The following HDAC4 variants were observed in gnomAD, a reference collection of about 807,000 sequenced individuals.
HDAC4 encodes the protein histone deacetylase 4, also known as histone deacetylase A.
In HDAC4, 16 loss-of-function variants were observed where a neutral mutation model predicts 135.1. The ratio of observed to expected loss-of-function variants is 0.12; its 90% CI spans 0.08 to 0.18. The LOEUF is 0.18. Ranked by LOEUF, HDAC4 falls within the 10% of genes least tolerant of loss-of-function variation. The pLI is 1.00. For synonymous variants in HDAC4, 685 were observed against 653.4 expected, an observed-to-expected ratio of 1.05 and a Z score of -0.74; for missense variants, 1,143 against 1,511.8, an observed-to-expected ratio of 0.76 and a Z score of 4.05.
At chr2:239,117,853 G>A (rs1381700347) in intron 12 of HDAC4, among the ~76,000 whole-genome samples, 2 of 152,188 alleles carry the variant, frequency 1.3e-5, no homozygotes, top group African/African-American at 4.8e-5. Context: ...GATGGATCTC[G>A]GCACCGCATC....
chr2:239,217,338 G>A (rs752755294), intron 3 of HDAC4, among the ~76,000 whole-genome samples: 4 of 152,050 alleles, frequency 2.6e-5, no homozygotes, highest in Non-Finnish European at 5.9e-5. Context: ...AAAATTCCTC[G>A]CATTTTAAAT....
intron 22 of HDAC4, among the ~76,000 whole-genome samples, chr2:239,070,499 C>G (rs78596178): frequency 1.3e-5 from 2 of 152,350 alleles, no homozygotes; most frequent in South Asian, 4.1e-4. Context: ...GTGTGCTCTC[C>G]GTGAGTAGGG....
intron 7 of HDAC4, among the ~76,000 whole-genome samples, chr2:239,153,609 T>G (rs1048008108): frequency 8.5e-5 from 13 of 152,246 alleles, no homozygotes; most frequent in South Asian, 6.2e-4. Flanking sequence ...AATGTGGTAG[T>G]GATGACTTTT....
chr2:239,163,624 C>T (rs529264097), intron 6 of HDAC4, among the ~76,000 whole-genome samples, 179 bp downstream of exon 6: 4 of 152,140 alleles, frequency 2.6e-5, no homozygotes, highest in East Asian at 1.9e-4. Flanking sequence ...GGCTGCCGCA[C>T]GAGTGTACCC....
chr2:239,196,010 G>A (rs1015479338), intron 3 of HDAC4, among the ~76,000 whole-genome samples: 1 of 152,204 alleles, frequency 6.6e-6, no homozygotes, highest in Non-Finnish European at 1.5e-5. Flanking sequence ...AAGAAAAAGA[G>A]GCACTATTCT....
At position 239,354,562 on chromosome 2, in the gene HDAC4, A is replaced by T. The variant is rs80085423; in HGVS notation, c.-219-1644T>A. Among the ~76,000 whole-genome samples, 279 of 76,578 alleles carry T rather than the reference A, an allele frequency of 3.6e-3. 2 individuals carry two copies. Among genetic ancestry groups the T allele is most frequent in the East Asian group, 0.022 (46 of 2,066 alleles). The allele number at this position is 76,578 out of a possible 152,430, so 50.2% of individuals were successfully genotyped here. On this transcript the variant is annotated intron_variant, in intron 1 of 26. Transcript: ENST00000543185. ...TTTTCTTGATTTAATTAGTCTAGAA[A>T]TTTTTTTTTTTTTTTTTTTTTTTTT...
chr2:239,319,524 G>A (rs572725454), intron 2 of HDAC4, among the ~76,000 whole-genome samples: 8 of 152,344 alleles, frequency 5.3e-5, no homozygotes, highest in African/African-American at 9.6e-5. Context: ...CGGTGTGGCC[G>A]TGCTGGAGGT....
chr2:239,221,277 A>C (rs1366474554), intron 3 of HDAC4, among the ~76,000 whole-genome samples: 1 of 152,174 alleles, frequency 6.6e-6, no homozygotes, highest in Non-Finnish European at 1.5e-5. Flanking sequence ...AGGTCTGTGC[A>C]CAGGAGCGGG....
intron 3 of HDAC4, among the ~76,000 whole-genome samples, chr2:239,192,515 A>T (rs2045056615): frequency 6.6e-6 from 1 of 152,212 alleles, no homozygotes; most frequent in East Asian, 1.9e-4. Flanking sequence ...CAAACTCGCA[A>T]ACTCGGAGAA....
Position 239,285,610 on chromosome 2 carries a change from G to A in HDAC4, c.23-48946C>T, listed in dbSNP as rs903132603. Among the ~76,000 whole-genome samples, 1 of 152,154 alleles carries A rather than the reference G, an allele frequency of 6.6e-6. No individual in the cohort carries two copies. The highest frequency in any genetic ancestry group is 2.1e-4 in the South Asian group (1 of 4,830). The stretch of plus-strand genomic sequence containing the variant: ...AAGTACTAGAAACTTCCTCTTCTGG[G>A]GACGTGGCAGACAAGTCATCTTACA... On this transcript the variant is annotated intron_variant, in intron 2 of 26. Transcript: ENST00000543185. This position sits in a 1 kb window ranked among gnomAD's most constrained non-coding sequence, Gnocchi z 4.5.
At chr2:239,261,984 A>G (rs2049400576) in intron 2 of HDAC4, among the ~76,000 whole-genome samples, 1 of 152,160 alleles carries the variant, frequency 6.6e-6, no homozygotes, top group Non-Finnish European at 1.5e-5. Context: ...CCCGGCCCCT[A>G]CAGGTTGGCC....
intron 1 of HDAC4, among the ~76,000 whole-genome samples, chr2:239,358,600 G>A (rs918543886): frequency 4.6e-5 from 7 of 152,194 alleles, no homozygotes; most frequent in Non-Finnish European, 1.0e-4. Context: ...GGCAGCGCGC[G>A]TAGGGACTCA....
chr2:239,321,830 G>A (rs1352912703), intron 2 of HDAC4, among the ~76,000 whole-genome samples: 1 of 152,134 alleles, frequency 6.6e-6, no homozygotes, highest in Non-Finnish European at 1.5e-5. Context: ...TCATTCTCAG[G>A]GCAGCATCTA....
At position 239,365,686 on chromosome 2, in the gene HDAC4, C is replaced by T. The variant is rs112922387; in HGVS notation, c.-219-12768G>A. 6.0e-3 allele frequency among the ~76,000 whole-genome samples: 920 copies of T among 152,262 alleles called. 5 individuals are homozygous for T. Among genetic ancestry groups the T allele is most frequent in the African/African-American group, 0.021 (886 of 41,548 alleles). On this transcript the variant is annotated intron_variant, in intron 1 of 26. Transcript: ENST00000543185. Reference sequence around the variant, plus strand: ...ACAAGCCAGGGTTGTCAGGGTCATGCGTGTGGCACCAGGGGACACACACAG... The same window carrying T: ...ACAAGCCAGGGTTGTCAGGGTCATGTGTGTGGCACCAGGGGACACACACAG...
chr2:239,133,322 C>T lies in HDAC4; in HGVS notation c.1294+923G>A, dbSNP rs548360820. 5.9e-5 allele frequency among the ~76,000 whole-genome samples: 9 copies of T among 152,342 alleles called. No individual in the cohort carries two copies. The East Asian group carries it at 1.7e-3, about 29-fold the overall frequency. ...AACACGCCAAGCCCCTGAGTTTTCA[C>T]CAAGTTCACTGCCAGAGTTTCACAG... On this transcript the variant is annotated intron_variant, in intron 11 of 26. Coordinates refer to ENST00000543185, the MANE Select transcript of HDAC4 (RefSeq NM_001378414.1).
At chr2:239,333,051 G>A (rs1052617826) in intron 2 of HDAC4, among the ~76,000 whole-genome samples, 2 of 152,036 alleles carry the variant, frequency 1.3e-5, no homozygotes, top group African/African-American at 4.8e-5. Flanking sequence ...ATCAGTTGAG[G>A]GTGTAATTTA....
chr2:239,183,896 G>C (rs1202554071), intron 4 of HDAC4, among the ~76,000 whole-genome samples: 2 of 130,976 alleles, frequency 1.5e-5, no homozygotes, highest in African/African-American at 5.2e-5. Context: ...CACGCTCCCA[G>C]TGCCAGAAAA....
Position 239,400,182 on chromosome 2 carries a change from G to C in HDAC4, c.-220+796C>G, listed in dbSNP as rs1210017835. Among the ~76,000 whole-genome samples the C allele has an allele frequency of 6.6e-6, 1 of 151,736 alleles. No individual in the cohort carries two copies. Among genetic ancestry groups the C allele is most frequent in the African/African-American group, 2.4e-5 (1 of 41,358 alleles). On this transcript the variant is annotated intron_variant, in intron 1 of 26. Coordinates refer to ENST00000543185, the MANE Select transcript of HDAC4 (RefSeq NM_001378414.1). This position sits in a 1 kb window ranked among gnomAD's most constrained non-coding sequence, Gnocchi z 4.7. ...TGGCGCCCTGCGGGCTGAGCCGAGCGGGTCCCGGGCAGCCCCCCGCCCTCC... is the reference window on the plus strand; with the variant it reads ...TGGCGCCCTGCGGGCTGAGCCGAGCCGGTCCCGGGCAGCCCCCCGCCCTCC...
At position 239,125,293 on chromosome 2, in the gene HDAC4, A is replaced by G. The variant is rs2040101408; in HGVS notation, c.1533+1163T>C. On this transcript the variant is annotated intron_variant, in intron 12 of 26. Transcript: ENST00000543185. Reference sequence around the variant, plus strand: ...GGGTTCTGGTGAGGTCTGGTCGGTTAGAAGTGTGTGGCCCCTCTCCCCACC... The same window carrying G: ...GGGTTCTGGTGAGGTCTGGTCGGTTGGAAGTGTGTGGCCCCTCTCCCCACC... Among the ~76,000 whole-genome samples, 3 of 152,198 alleles carry G rather than the reference A, an allele frequency of 2.0e-5. No homozygotes were observed. The South Asian group carries it at 6.2e-4, about 31-fold the overall frequency.
Sources: allele counts gnomAD v4.1 joint callset (sites outside exome capture counted in the v4.1 genomes callset), GRCh38; gene constraint gnomAD v4.1.1; non-coding constraint Gnocchi (gnomAD v3.1); transcripts MANE v1.5; gene names NCBI Gene and HGNC (gene_info 2026-07-23, HGNC 2026-07-21).